Variants in EVI5L observed in about 807,000 individuals in gnomAD.
EVI5L encodes the protein ecotropic viral integration site 5 like.
A neutral mutation model predicts 106.1 loss-of-function variants in EVI5L; 30 were observed. The observed-to-expected ratio is 0.28, with a 90% CI of 0.21 to 0.38. The LOEUF is 0.38. Among genes scored for constraint, EVI5L ranks in the 10% least tolerant of loss-of-function variants. EVI5L has a pLI of 1.00. For missense variants in EVI5L, 809 were observed against 1,098.0 expected (o/e 0.74, Z 3.72); for synonymous variants, 489 against 483.3 (o/e 1.01, Z -0.15).
In EVI5L at chr19:7,855,998, T is replaced by TC; in HGVS notation, c.1147-11dup. ...GTGGGGGGCGGGCTATGACGTGATCTCCCCCCACCCCCATAGAGACTTCGG... is the reference window on the plus strand; with the variant it reads ...GTGGGGGGCGGGCTATGACGTGATCTCCCCCCCACCCCCATAGAGACTTCGG... On this transcript the variant is annotated splice_polypyrimidine_tract_variant and intron_variant, in intron 10 of 19. Coordinates refer to ENST00000538904, the MANE Select transcript of EVI5L (RefSeq NM_001159944.3). The TC allele has an allele frequency of 1.5e-6, 2 of 1,323,498 alleles. No individual in the cohort carries two copies. The highest frequency in any genetic ancestry group is 9.7e-7 in the Non-Finnish European group (1 of 1,027,024). 82.0% of individuals were successfully genotyped at this position (1,323,498 alleles called of 1,614,324 possible).
At chr19:7,836,197 A>G (rs1391623085) in intron 1 of EVI5L, among the ~76,000 whole-genome samples, 1 of 151,820 alleles carries the variant, frequency 6.6e-6, no homozygotes, top group Non-Finnish European at 1.5e-5. Context: ...AGATCGTGCA[A>G]CTGCACTCCA....
At position 7,845,539 on chromosome 19, in the gene EVI5L, G is replaced by C. The variant is rs1310161974; in HGVS notation, c.-47-957G>C. Among the ~76,000 whole-genome samples, 2 of 152,220 alleles carry C rather than the reference G, an allele frequency of 1.3e-5. No homozygotes were observed. Among genetic ancestry groups the C allele is most frequent in the Non-Finnish European group, 2.9e-5 (2 of 68,040 alleles). On this transcript the variant is annotated intron_variant, in intron 1 of 19. Coordinates refer to ENST00000538904, the MANE Select transcript of EVI5L (RefSeq NM_001159944.3). This position sits in a 1 kb window ranked among gnomAD's most constrained non-coding sequence, Gnocchi z 4.0. Reference sequence around the variant, plus strand: ...TGCAGTCATGTGCTCAGTTTCCACAGCCACCCTTGAGGCTAGGTCCTGTAT... The same window carrying C: ...TGCAGTCATGTGCTCAGTTTCCACACCCACCCTTGAGGCTAGGTCCTGTAT...
Position 7,862,865 on chromosome 19 carries a change from C to A in EVI5L, c.1948-107C>A, listed in dbSNP as rs1388590216. ...CCCGCGGTCCTGCCTCCTGACCCGC[C>A]TCCGCCCGCGGCCCCGCCTCCTCAT... is the stretch of plus-strand genomic sequence containing the variant. On this transcript the variant is annotated intron_variant, in intron 17 of 19. Coordinates refer to ENST00000538904, the MANE Select transcript of EVI5L (RefSeq NM_001159944.3). The A allele has an allele frequency of 4.0e-6, 3 of 759,438 alleles. No homozygotes were observed. The African/African-American group carries it at 5.9e-5, about 15-fold the overall frequency. The allele number at this position is 759,438 out of a possible 1,614,324, so 47.0% of individuals were successfully genotyped here. A position where few individuals can be genotyped will look rare whatever the true frequency, so the allele number is the denominator to read the frequency against.
At chr19:7,847,613 A>T in intron 2 of EVI5L, 119 bp from the exon 3 acceptor site, 2 of 971,890 alleles carry the variant, frequency 2.1e-6, no homozygotes, top group Non-Finnish European at 3.0e-6. Flanking sequence ...AAAGAACAAG[A>T]GGGACCTAAT....
intron 6 of EVI5L, among the ~76,000 whole-genome samples, chr19:7,851,154 C>T (rs533451825): frequency 6.6e-6 from 1 of 152,270 alleles, no homozygotes; most frequent in South Asian, 2.1e-4. Flanking sequence ...GTGAGGACCC[C>T]ATGAGCTGCC....
rs1979955015 is a variant in EVI5L at position 7,863,444 on chromosome 19, G to A, written c.2160G>A (p.Pro720=). 3.2e-6 allele frequency: 5 copies of A among 1,550,138 alleles called. 1 individual carries two copies. Among genetic ancestry groups the A allele is most frequent in the South Asian group, 2.4e-5 (2 of 84,398 alleles). The stretch of plus-strand genomic sequence containing the variant: ...CCCAGGTGCGGCTGCTGAAGGGCCC[G>A]CCGCCCTTCGAGGACCCGCTGGCTT... ...LKAEVRLLKG[P]PPFEDPLAFD... is the part of the protein sequence containing the mutation. Residue 720 remains proline (P), a synonymous_variant, in exon 20 of 20, where the codon CCG becomes CCA. Transcript: ENST00000538904. This position sits in a 1 kb window ranked among gnomAD's most constrained non-coding sequence, Gnocchi z 7.7.
intron 8 of EVI5L, among the ~76,000 whole-genome samples, chr19:7,852,560 CTT>C (rs55953605): frequency 0.36 from 52,647 of 148,266 alleles, 10,104 homozygotes; most frequent in South Asian, 0.66. Flanking sequence ...TTACCTTTTT[CTT>C]TTTTTTTTTA....
Position 7,849,154 on chromosome 19 carries a change from C to T in EVI5L, c.552+9C>T. On this transcript the variant is annotated intron_variant, in intron 4 of 19. Transcript: ENST00000538904. ...TCTTCAACGTCATGAAGGTGAGGCC[C>T]AGGGCTCCCCGCTCCCTCGGTCCCA... 6.2e-7 allele frequency: 1 copy of T among 1,611,190 alleles called. No homozygotes were observed. Among genetic ancestry groups the T allele is most frequent in the South Asian group, 1.1e-5 (1 of 90,812 alleles).
At chr19:7,859,974 C>T (rs1196572752) in intron 13 of EVI5L, among the ~76,000 whole-genome samples, 1 of 152,230 alleles carries the variant, frequency 6.6e-6, no homozygotes, top group Non-Finnish European at 1.5e-5. Context: ...AGAGGGAGCC[C>T]GGCTCCCACC....
At position 7,856,505 on chromosome 19, in the gene EVI5L, A is replaced by C. The variant is rs1399247542; in HGVS notation, c.1200+437A>C. ...GGAGAAGCGTGGCGCCATGGTGGGG[A>C]GCCACAGCCCGGACTCTGCTCCCCA... On this transcript the variant is annotated intron_variant, in intron 11 of 19. Transcript: ENST00000538904. The surrounding 1 kb of genome is among the most constrained non-coding windows in gnomAD (Gnocchi z 6.6). Among the ~76,000 whole-genome samples the C allele has an allele frequency of 1.3e-5, 2 of 151,884 alleles. No homozygotes were observed. Among genetic ancestry groups the C allele is most frequent in the African/African-American group, 4.8e-5 (2 of 41,352 alleles).
At position 7,853,226 on chromosome 19, in the gene EVI5L, G is replaced by A. The variant is rs1236965476; in HGVS notation, c.1085+43G>A. ...AACCAGGGTACTGGTAAGAAGGGGG[G>A]ACCCCCGAGGGCATGACAGTAACCA... On this transcript the variant is annotated intron_variant, in intron 9 of 19. Transcript: ENST00000538904. The A allele has an allele frequency of 3.1e-6, 5 of 1,613,820 alleles. No individual in the cohort carries two copies. In the African/African-American group the frequency reaches 4.0e-5, roughly 13 times the overall value.
chr19:7,860,770 C>G, intron 14 of EVI5L, 81 bp downstream of exon 14: 2 of 1,424,656 alleles, frequency 1.4e-6, no homozygotes, highest in Non-Finnish European at 9.3e-7. Context: ...TGGGAGTGAC[C>G]CCAGGTCAGA....
At chr19:7,855,968 C>T (rs766278742) in intron 10 of EVI5L, 47 bp from the exon 11 acceptor site, 8 of 1,318,480 alleles carry the variant, frequency 6.1e-6, no homozygotes, top group Non-Finnish European at 7.8e-6. Context: ...TGCATGTAGA[C>T]AGGCGTGGGG....
intron 1 of EVI5L, among the ~76,000 whole-genome samples, chr19:7,843,808 G>A (rs1978822499): frequency 6.6e-6 from 1 of 152,034 alleles, no homozygotes; most frequent in South Asian, 2.1e-4. Context: ...GCTGTGAAGA[G>A]TGTGAGAGTG....
intron 10 of EVI5L, among the ~76,000 whole-genome samples, chr19:7,855,114 C>CTTT (rs200195743): frequency 2.3e-5 from 3 of 132,624 alleles, no homozygotes; most frequent in Non-Finnish European, 4.9e-5. Context: ...ATATCTTTTT[C>CTTT]TTTTTTTTTT....
In EVI5L at chr19:7,850,841, G is replaced by A. The variant is rs111257120; in HGVS notation, c.754-593G>A. On this transcript the variant is annotated intron_variant, in intron 6 of 19. Coordinates refer to ENST00000538904, the MANE Select transcript of EVI5L (RefSeq NM_001159944.3). This position sits in a 1 kb window ranked among gnomAD's most constrained non-coding sequence, Gnocchi z 5.4. ...ACAGCCAAGCTTGCAAACTCAGGGC[G>A]CAGAGAGCCCCTGGCGCTGGGAGGA... 0.011 allele frequency among the ~76,000 whole-genome samples: 1,611 copies of A among 152,314 alleles called. 18 individuals carry two copies. Among genetic ancestry groups the A allele is most frequent in the Non-Finnish European group, 0.017 (1,176 of 68,020 alleles).
In EVI5L at chr19:7,847,721, T is replaced by C. The variant is rs766398564; in HGVS notation, c.138-11T>C. On this transcript the variant is annotated splice_polypyrimidine_tract_variant and intron_variant, in intron 2 of 19. Transcript: ENST00000538904. ...GTCACTGGTTCCCCTCTGTCGGCCCTTCCTGCCCAGGCTCCTGGAGGCCGA... is the reference window on the plus strand; with the variant it reads ...GTCACTGGTTCCCCTCTGTCGGCCCCTCCTGCCCAGGCTCCTGGAGGCCGA... 2.7e-5 allele frequency: 43 copies of C among 1,608,918 alleles called. No individual in the cohort carries two copies. Among genetic ancestry groups the C allele is most frequent in the Admixed American group, 1.4e-4 (8 of 58,726 alleles).
At chr19:7,861,521 G>A (rs1599580240) in intron 14 of EVI5L, among the ~76,000 whole-genome samples, 1 of 152,238 alleles carries the variant, frequency 6.6e-6, no homozygotes, top group South Asian at 2.1e-4. Context: ...TGGCCTGGGG[G>A]CCAGAGGGCA....
chr19:7,832,599 C>T (rs974887064), intron 1 of EVI5L, among the ~76,000 whole-genome samples: 3 of 152,056 alleles, frequency 2.0e-5, no homozygotes, highest in African/African-American at 4.8e-5. Context: ...AGCAAGGTCT[C>T]GGAGGGGAGT....
Sources: allele counts gnomAD v4.1 joint callset (sites outside exome capture counted in the v4.1 genomes callset), GRCh38; gene constraint gnomAD v4.1.1; non-coding constraint Gnocchi (gnomAD v3.1); transcripts MANE v1.5; gene names NCBI Gene and HGNC (gene_info 2026-07-23, HGNC 2026-07-21).